The following RAD51B variants were observed in gnomAD, a reference collection of about 807,000 sequenced individuals.
The protein encoded by RAD51B is RAD51 paralog B.
RAD51B carries 38 observed loss-of-function variants against 42.2 expected under a neutral mutation model. The ratio of observed to expected loss-of-function variants is 0.90; its 90% CI spans 0.70 to 1.18. The LOEUF (loss-of-function observed/expected upper bound fraction) is 1.18, where lower values mean the gene tolerates loss of function less well. RAD51B is among the 50% of genes most tolerant of loss of function. RAD51B has a pLI of 0.00. For synonymous variants in RAD51B, 154 were observed against 145.2 expected, an observed-to-expected ratio of 1.06 and a Z score of -0.43; for missense variants, 373 against 400.7, an observed-to-expected ratio of 0.93 and a Z score of 0.59.
At chr14:68,522,726 A>G (rs1327395222) in intron 10 of RAD51B, among the ~76,000 whole-genome samples, 1 of 152,194 alleles carries the variant, frequency 6.6e-6, no homozygotes, top group African/African-American at 2.4e-5. Context: ...CCAAAGAGCC[A>G]ATTAGAGCCT....
At chr14:68,209,626 C>A (rs2079661210) in intron 7 of RAD51B, among the ~76,000 whole-genome samples, 2 of 152,158 alleles carry the variant, frequency 1.3e-5, no homozygotes. Context: ...CACCAGTCCA[C>A]TTTTAATCTA....
intron 10 of RAD51B, among the ~76,000 whole-genome samples, chr14:68,601,603 G>A (rs1335244842): frequency 6.6e-6 from 1 of 152,132 alleles, no homozygotes; most frequent in African/African-American, 2.4e-5. Context: ...GTTGATGACT[G>A]AGTTTCATTC....
At chr14:68,564,381 C>T (rs540205540) in intron 10 of RAD51B, among the ~76,000 whole-genome samples, 143 of 152,270 alleles carry the variant, frequency 9.4e-4, no homozygotes, top group African/African-American at 3.2e-3. Flanking sequence ...CAGGCCTAGC[C>T]GGCCCCTGTT....
chr14:68,622,847 C>T (rs746111233), intron 10 of RAD51B, among the ~76,000 whole-genome samples: 5 of 151,822 alleles, frequency 3.3e-5, no homozygotes, highest in South Asian at 2.1e-4. Flanking sequence ...CTGGGGAAAA[C>T]GATACCCCTG....
At chr14:68,550,811 T>G (rs565367221) in intron 10 of RAD51B, among the ~76,000 whole-genome samples, 67 of 152,104 alleles carry the variant, frequency 4.4e-4, no homozygotes, top group Non-Finnish European at 8.5e-4. Flanking sequence ...GGGGGATGAG[T>G]CCAGGTTTTC....
chr14:68,033,381 TTA>T (rs1417767517), intron 7 of RAD51B, among the ~76,000 whole-genome samples: 4 of 152,240 alleles, frequency 2.6e-5, no homozygotes, highest in Non-Finnish European at 5.9e-5. Flanking sequence ...TAAAATCTCT[TTA>T]TGTTTGTTTT....
At chr14:68,184,608 T>TAAAA (rs748047329) in intron 7 of RAD51B, among the ~76,000 whole-genome samples, 1 of 21,554 alleles carries the variant, frequency 4.6e-5, no homozygotes, top group Non-Finnish European at 1.3e-4. Flanking sequence ...AGGCCCTGTC[T>TAAAA]AAAAAAAAAA....
chr14:68,371,240 C>T (rs2083257546), intron 8 of RAD51B, among the ~76,000 whole-genome samples: 1 of 151,736 alleles, frequency 6.6e-6, no homozygotes, highest in African/African-American at 2.4e-5. Context: ...CCTAGAGGGC[C>T]GGGTGTGGTG....
At chr14:68,226,763 G>T (rs983520729) in intron 7 of RAD51B, among the ~76,000 whole-genome samples, 1 of 152,232 alleles carries the variant, frequency 6.6e-6, no homozygotes, top group Non-Finnish European at 1.5e-5. Context: ...GGGCCAGAGA[G>T]ACTAAGTGAC....
intron 10 of RAD51B, among the ~76,000 whole-genome samples, chr14:68,548,179 C>A (rs895475387): frequency 6.6e-6 from 1 of 152,214 alleles, no homozygotes; most frequent in Non-Finnish European, 1.5e-5. Flanking sequence ...GATACCGAGG[C>A]TTCCTCACCC....
chr14:68,527,935 C>T lies in RAD51B; in HGVS notation c.1036+59685C>T, dbSNP rs141159750. 5.4e-3 allele frequency among the ~76,000 whole-genome samples: 816 copies of T among 152,312 alleles called. 13 individuals carry two copies. Among genetic ancestry groups the T allele is most frequent in the African/African-American group, 0.019 (788 of 41,566 alleles). On this transcript the variant is annotated intron_variant, in intron 10 of 10. Transcript: ENST00000487270. ...ATATTTGTGTTTTCTTCTTTATACT[C>T]TTTCAAATTTTCCAAATTTTCTTTA...
At chr14:68,504,156 A>T (rs1885116244) in intron 10 of RAD51B, among the ~76,000 whole-genome samples, 1 of 152,168 alleles carries the variant, frequency 6.6e-6, no homozygotes, top group Non-Finnish European at 1.5e-5. Context: ...AGGCAAGCAG[A>T]GTACAGAGCT....
intron 7 of RAD51B, among the ~76,000 whole-genome samples, chr14:68,169,463 GT>G (rs1349107571): frequency 2.0e-5 from 3 of 152,038 alleles, no homozygotes; most frequent in African/African-American, 7.2e-5. Flanking sequence ...CCATTCATCT[GT>G]TCCTTAACAT....
At chr14:68,516,890 G>T (rs1448389601) in intron 10 of RAD51B, among the ~76,000 whole-genome samples, 1 of 152,186 alleles carries the variant, frequency 6.6e-6, no homozygotes, top group South Asian at 2.1e-4. Context: ...AAGGTGTTAA[G>T]TTCACTATGG....
At chr14:68,611,545 A>G in exon 11 of RAD51B, 1 of 454,072 alleles carries the variant, frequency 2.2e-6, no homozygotes, top group Non-Finnish European at 4.0e-6. Flanking sequence ...AAGCTTATTA[A>G]GCCTTGCAGC....
intron 7 of RAD51B, among the ~76,000 whole-genome samples, chr14:68,208,045 G>T (rs983153557): frequency 5.1e-4 from 77 of 151,912 alleles, no homozygotes; most frequent in African/African-American, 1.8e-3. Flanking sequence ...TTGTAGACAG[G>T]CTATTTTTAG....
At chr14:68,371,051 AAAAAGAAAAAAAG>A (rs2083249091) in intron 8 of RAD51B, among the ~76,000 whole-genome samples, 1 of 105,426 alleles carries the variant, frequency 9.5e-6, no homozygotes, top group African/African-American at 4.1e-5. Flanking sequence ...AAAAAAAAAA[AAAAAGAAAAAAAG>A]AAAAGAAAAT....
chr14:67,825,452 A>G lies in RAD51B; in HGVS notation c.85-12A>G, dbSNP rs746138581. 34 of 1,565,752 alleles carry G rather than the reference A, an allele frequency of 2.2e-5. No homozygotes were observed. In the South Asian group the frequency reaches 3.6e-4, roughly 17 times the overall value. Reference sequence around the variant, plus strand: ...CATATATGTTTAAAATACTCTCTTTATGTTTCTTTAGGACTTTTTATGTCT... The same window carrying G: ...CATATATGTTTAAAATACTCTCTTTGTGTTTCTTTAGGACTTTTTATGTCT... On this transcript the variant is annotated splice_polypyrimidine_tract_variant and intron_variant, in intron 2 of 10. Transcript: ENST00000471583.
At position 67,961,816 on chromosome 14, in the gene RAD51B, G is replaced by A. The variant is rs889567915; in HGVS notation, c.756+74612G>A. ...CAACATCAGTGTGTAAACATATTATGTTCACTATGAAAACATTTAGGAAAT... is the reference window on the plus strand; with the variant it reads ...CAACATCAGTGTGTAAACATATTATATTCACTATGAAAACATTTAGGAAAT... On this transcript the variant is annotated intron_variant, in intron 7 of 10. Transcript: ENST00000471583. 1.5e-4 allele frequency among the ~76,000 whole-genome samples: 23 copies of A among 152,068 alleles called. 1 individual carries two copies. The Middle Eastern group carries it at 0.01, about 67-fold the overall frequency.
Sources: allele counts gnomAD v4.1 joint callset (sites outside exome capture counted in the v4.1 genomes callset), GRCh38; gene constraint gnomAD v4.1.1; transcripts MANE v1.5; gene names NCBI Gene and HGNC (gene_info 2026-07-23, HGNC 2026-07-21).